SACS: variants seen among roughly 807,000 people sequenced by gnomAD.
The protein encoded by SACS is sacsin molecular chaperone.
Under a neutral mutation model 348.0 loss-of-function variants are expected in SACS, and 197 were observed. That is an observed-to-expected ratio of 0.57 (90% CI 0.50 to 0.64). SACS has a LOEUF of 0.64. Among genes scored for constraint, SACS ranks in the 30% least tolerant of loss-of-function variants. The pLI is 0.00. For missense variants in SACS, 4,999 were observed against 5,360.8 expected (o/e 0.93, Z 2.11); for synonymous variants, 1,985 against 1,910.6 (o/e 1.04, Z -1.02).
At chr13:23,375,443 C>G in intron 2 of SACS, 174 bp from the exon 3 acceptor site, 6 of 1,184,692 alleles carry the variant, frequency 5.1e-6, no homozygotes, top group Non-Finnish European at 6.3e-6. Context: ...CCACAGGCCC[C>G]GCGCGGGCCG....
chr13:23,395,372 G>A (rs571540222), intron 2 of SACS, among the ~76,000 whole-genome samples: 71 of 152,262 alleles, frequency 4.7e-4, no homozygotes, highest in African/African-American at 1.7e-3. Flanking sequence ...ATTTTACTAA[G>A]GATAATTTGG....
At chr13:23,404,508 G>A (rs894811981) in intron 2 of SACS, among the ~76,000 whole-genome samples, 3 of 152,056 alleles carry the variant, frequency 2.0e-5, no homozygotes, top group Non-Finnish European at 2.9e-5. Context: ...TTTGAAAACC[G>A]GCACAAGACA....
At chr13:23,402,043 T>G (rs1164688440) in intron 2 of SACS, among the ~76,000 whole-genome samples, 2 of 152,146 alleles carry the variant, frequency 1.3e-5, no homozygotes, top group African/African-American at 4.8e-5. Flanking sequence ...CCAGGTGTTG[T>G]GGCAAGTGCC....
rs142271486 is a variant in SACS, at chr13:23,426,099, C to T, written c.-502+7516G>A. Among the ~76,000 whole-genome samples, 266 of 152,284 alleles carry T rather than the reference C, an allele frequency of 1.7e-3. 1 individual carries two copies. Among genetic ancestry groups the T allele is most frequent in the African/African-American group, 6.1e-3 (253 of 41,560 alleles). On this transcript the variant is annotated intron_variant, in intron 1 of 9. Coordinates refer to ENST00000382292, the MANE Select transcript of SACS (RefSeq NM_014363.6). The stretch of plus-strand genomic sequence containing the variant: ...AAGAGTCCAGCAACAGCCCATACTT[C>T]GTTTAAATCCCGGTGGCTCCCAGCT...
chr13:23,329,726 C>T lies in SACS; in HGVS notation c.*410G>A. On this transcript the variant is annotated 3_prime_UTR_variant, in exon 10 of 10. Coordinates refer to ENST00000382292, the MANE Select transcript of SACS (RefSeq NM_014363.6). ...AATGACAGACTACAAAGACTTAATT[C>T]CCCTTATGTTTAAACCAATTATATG... is the stretch of plus-strand genomic sequence containing the variant. 1 of 501,064 alleles carries T rather than the reference C, an allele frequency of 2.0e-6. No individual in the cohort carries two copies. The highest frequency in any genetic ancestry group is 3.1e-5 in the South Asian group (1 of 32,318). The allele number at this position is 501,064 out of a possible 1,614,324, so 31.0% of individuals were successfully genotyped here.
At chr13:23,349,896 T>G (rs1869844748) in intron 9 of SACS, among the ~76,000 whole-genome samples, 1 of 152,182 alleles carries the variant, frequency 6.6e-6, no homozygotes, top group South Asian at 2.1e-4. Flanking sequence ...ACTACCTCTC[T>G]GAAGACTAGG....
At position 23,332,438 on chromosome 13, in the gene SACS, A is replaced by G. The variant is rs765301232; in HGVS notation, c.11438T>C (p.Ile3813Thr). The change falls in exon 10 of 10, where the codon ATA becomes ACA. Residue 3813 changes from isoleucine (I) to threonine (T), a missense_variant. Physicochemically the swap from Ile to Thr is moderately conservative, Grantham distance 89. Around this residue, in one of 6 missense-constraint regions of SACS, gnomAD observed 831 missense variants for 941.8 expected, o/e 0.88. Transcript: ENST00000382292. ...AAAATCAGATTCATATTCTAGGTTT[A>G]TGACTACCTCCTCAGGCTTCAGAAG... ...WKLLKPEEVV[I>T]NLEYESDFKP... The G allele has an allele frequency of 6.2e-7, 1 of 1,614,044 alleles. No individual in the cohort carries two copies. Among genetic ancestry groups the G allele is most frequent in the Non-Finnish European group, 8.5e-7 (1 of 1,179,936 alleles).
chr13:23,351,170 G>A (rs1420420079), intron 9 of SACS, among the ~76,000 whole-genome samples: 3 of 152,180 alleles, frequency 2.0e-5, no homozygotes. Context: ...TTCCCCGTAA[G>A]GCCCTATATC....
chr13:23,372,903 T>C (rs1278949241), intron 3 of SACS, among the ~76,000 whole-genome samples: 1 of 152,214 alleles, frequency 6.6e-6, no homozygotes, highest in African/African-American at 2.4e-5. Context: ...TCCTTTGGTT[T>C]CACCTTTACA....
Position 23,335,813 on chromosome 13 carries a change from G to A in SACS, c.8063C>T (p.Thr2688Ile), listed in dbSNP as rs1295208131. ...FSDVLDLYLG[T>I]HFKLDNCTMF... ...TGTGCAATTATCCAGTTTAAAATGGGTTCCCAGATAAAGATCCAGAACATC... is the reference window on the plus strand; with the variant it reads ...TGTGCAATTATCCAGTTTAAAATGGATTCCCAGATAAAGATCCAGAACATC... The change falls in exon 10 of 10, where the codon ACC becomes ATC. Residue 2688 changes from threonine to isoleucine, a missense_variant. Physicochemically the swap from Thr to Ile is moderately conservative, Grantham distance 89 (BLOSUM62 -1). This residue lies in a region of SACS where 3,156 missense variants were observed against 3,380.1 expected (regional missense o/e 0.93). Transcript: ENST00000382292. The surrounding 1 kb of genome is among the most constrained non-coding windows in gnomAD (Gnocchi z 4.7). The A allele has an allele frequency of 1.1e-5, 18 of 1,613,962 alleles. No individual in the cohort carries two copies. Among genetic ancestry groups the A allele is most frequent in the Non-Finnish European group, 1.5e-5 (18 of 1,179,902 alleles).
chr13:23,356,847 A>T (rs898554230), intron 7 of SACS, among the ~76,000 whole-genome samples: 1 of 152,206 alleles, frequency 6.6e-6, no homozygotes, highest in Non-Finnish European at 1.5e-5. Context: ...GTCGTCAAGC[A>T]CAGCTTCAGC....
At chr13:23,343,106 A>G (rs1454716704) in intron 9 of SACS, among the ~76,000 whole-genome samples, 1 of 152,204 alleles carries the variant, frequency 6.6e-6, no homozygotes, top group Non-Finnish European at 1.5e-5. Flanking sequence ...GAGCAGCTCC[A>G]CTTTTGGATG....
intron 2 of SACS, among the ~76,000 whole-genome samples, chr13:23,376,277 C>T (rs1197108024): frequency 3.3e-5 from 5 of 151,982 alleles, no homozygotes; most frequent in Admixed American, 2.0e-4. Flanking sequence ...AATCGCCCCA[C>T]GATAAGTAAA....
intron 5 of SACS, among the ~76,000 whole-genome samples, chr13:23,366,769 G>A (rs1871090608): frequency 6.6e-6 from 1 of 152,174 alleles, no homozygotes; most frequent in South Asian, 2.1e-4. Flanking sequence ...GCAATCCTGA[G>A]AGATTGTTTG....
chr13:23,386,714 C>T (rs528721470), intron 2 of SACS, among the ~76,000 whole-genome samples: 64 of 152,322 alleles, frequency 4.2e-4, no homozygotes, highest in African/African-American at 1.5e-3. Flanking sequence ...TTCAACCTGC[C>T]TTCCTCACTA....
chr13:23,400,458 T>G (rs560201985), intron 2 of SACS, among the ~76,000 whole-genome samples: 1 of 152,302 alleles, frequency 6.6e-6, no homozygotes, highest in South Asian at 2.1e-4. Context: ...TCTCGCTCTG[T>G]CACCCAGGCT....
In SACS at chr13:23,336,455, A is replaced by C; in HGVS notation, c.7421T>G (p.Ile2474Arg). 6.2e-7 allele frequency: 1 copy of C among 1,614,058 alleles called. No individual in the cohort carries two copies. The highest frequency in any genetic ancestry group is 8.5e-7 in the Non-Finnish European group (1 of 1,179,932). Residue 2474 changes from isoleucine (I) to arginine (R), a missense_variant, in exon 10 of 10, where the codon ATA becomes AGA. Physicochemically the swap from Ile to Arg is moderately conservative, Grantham distance 97. Coordinates refer to ENST00000382292, the MANE Select transcript of SACS (RefSeq NM_014363.6). ...TTTTACAGTGGTATCCTTTACTTTT[A>C]TCCAAGGGCAATCATTGTAGCATAA... Reference protein sequence around the residue: ...KSLCYNDCPWIKVKDTTVKYC... With the variant: ...KSLCYNDCPWRKVKDTTVKYC...
chr13:23,417,683 G>A (rs1002242591), intron 1 of SACS, among the ~76,000 whole-genome samples: 2 of 152,166 alleles, frequency 1.3e-5, no homozygotes, highest in African/African-American at 4.8e-5. Flanking sequence ...TTAGAAGGAA[G>A]TGGAACACAA....
chr13:23,399,274 C>T (rs1203428755), intron 2 of SACS, among the ~76,000 whole-genome samples: 2 of 152,118 alleles, frequency 1.3e-5, no homozygotes, highest in South Asian at 2.1e-4. Flanking sequence ...TTCTGACCTC[C>T]TTTGTTCTTT....
Sources: gnomAD v4.1 joint callset for allele counts (sites outside exome capture counted in the v4.1 genomes callset) on GRCh38, gnomAD v4.1.1 for gene constraint, gnomAD v4.1.1 regional missense constraint, Gnocchi (gnomAD v3.1) non-coding constraint, MANE v1.5 for transcripts, NCBI Gene and HGNC (gene_info 2026-07-23, HGNC 2026-07-21) for gene names.